The following DHRSX variants were observed in gnomAD, a reference collection of about 807,000 sequenced individuals.
DHRSX encodes dehydrogenase/reductase X-linked.
In DHRSX, 31 loss-of-function variants were observed where a neutral mutation model predicts 34.0. That is an observed-to-expected ratio of 0.91 (90% CI 0.69 to 1.23). The LOEUF (loss-of-function observed/expected upper bound fraction) is 1.23, where lower values mean the gene tolerates loss of function less well. Among genes scored for constraint, DHRSX ranks in the 50% most tolerant of loss-of-function variants. The probability of loss-of-function intolerance (pLI) is 0.00; values close to 1 mark genes in which losing one functional copy is unlikely to be tolerated. For synonymous variants in DHRSX, 201 were observed against 183.8 expected (o/e 1.09, Z -0.76); for missense variants, 414 against 428.1 (o/e 0.97, Z 0.29).
intron 3 of DHRSX, among the ~76,000 whole-genome samples, chrX:2,291,913 T>TTTTTTTTTTC: frequency 6.7e-6 from 1 of 149,130 alleles, no homozygotes; most frequent in African/African-American, 2.5e-5. Context: ...TTTTTTTTTT[T>TTTTTTTTTTC]TTTTTTAGTA....
intron 4 of DHRSX, among the ~76,000 whole-genome samples, chrX:2,284,709 G>A (rs182942012): frequency 2.4e-3 from 363 of 152,220 alleles, no homozygotes; most frequent in African/African-American, 4.9e-3. Flanking sequence ...ATTTTGAAGT[G>A]AATAAACCAT....
At chrX:2,340,092 G>C (rs932595855) in intron 3 of DHRSX, among the ~76,000 whole-genome samples, 20 of 149,766 alleles carry the variant, frequency 1.3e-4, no homozygotes, top group Admixed American at 3.4e-4. Flanking sequence ...CACAAGAACA[G>C]AAAACCAAAC....
intron 1 of DHRSX, among the ~76,000 whole-genome samples, chrX:2,443,013 T>A (rs963475302): frequency 1.2e-4 from 18 of 151,450 alleles, no homozygotes; most frequent in Admixed American, 1.3e-4. Flanking sequence ...GGAGGCGGAG[T>A]TTCTCAACCT....
At position 2,266,835 on chromosome X, in the gene DHRSX, T is replaced by C; in HGVS notation, c.501A>G (p.Lys167=). ...CACTGTGGCCAGGGGACCCAGACTC[T>C]TTCAGCGTATCCAAGAGAAGGTTGG... is the stretch of plus-strand genomic sequence containing the variant. ...LLTNLLLDTL[K]ESGSPGHSAR... The change falls in exon 5 of 7, where the codon AAA becomes AAG. Residue 167 remains lysine, a synonymous_variant. Transcript: ENST00000334651. The C allele has an allele frequency of 6.2e-7, 1 of 1,613,946 alleles. No individual in the cohort carries two copies. The highest frequency in any genetic ancestry group is 1.1e-5 in the South Asian group (1 of 91,078).
At chrX:2,404,795 T>C (rs749706942) in intron 3 of DHRSX, among the ~76,000 whole-genome samples, 1 of 152,350 alleles carries the variant, frequency 6.6e-6, no homozygotes, top group Admixed American at 6.5e-5. Flanking sequence ...ACTCGGTCCT[T>C]TAAATGTTAA....
At chrX:2,267,208 G>A (rs748245252) in intron 4 of DHRSX, among the ~76,000 whole-genome samples, 10 of 152,280 alleles carry the variant, frequency 6.6e-5, no homozygotes, top group South Asian at 2.1e-4. Context: ...CAGGCCGGGC[G>A]CGGTGGCTCA....
At chrX:2,284,903 T>C (rs2041786377) in intron 4 of DHRSX, among the ~76,000 whole-genome samples, 1 of 152,170 alleles carries the variant, frequency 6.6e-6, no homozygotes, top group Non-Finnish European at 1.5e-5. Flanking sequence ...TTGATTGCTC[T>C]AAGAATAAAA....
rs184756244 is a variant in DHRSX at position 2,265,715 on chromosome X, A to G, written c.596+1025T>C. On this transcript the variant is annotated intron_variant, in intron 5 of 6. Transcript: ENST00000334651. ...CAGGGAGCACTGTCCCCAGAGCACC[A>G]GTGTATAGCAGATGCAGGGAGCATT... Among the ~76,000 whole-genome samples the G allele has an allele frequency of 4.8e-4, 69 of 144,252 alleles. 1 individual carries two copies. The highest frequency in any genetic ancestry group is 2.4e-4 in the Non-Finnish European group (16 of 65,874). 94.6% of individuals were successfully genotyped at this position (144,252 alleles called of 152,430 possible).
At chrX:2,433,030 G>A (rs188821472) in intron 1 of DHRSX, among the ~76,000 whole-genome samples, 41 of 152,078 alleles carry the variant, frequency 2.7e-4, no homozygotes, top group Middle Eastern at 3.4e-3. Flanking sequence ...AGGCTGAGAT[G>A]GGAGGATCAC....
rs747078260 is a variant in DHRSX at position 2,298,601 on chromosome X, T to TACACACACAC, written c.287-7008_287-6999dup. Among the ~76,000 whole-genome samples, 47 of 131,818 alleles carry TACACACACAC rather than the reference T, an allele frequency of 3.6e-4. 2 individuals carry two copies. Among genetic ancestry groups the TACACACACAC allele is most frequent in the African/African-American group, 1.8e-3 (44 of 24,368 alleles). The allele number at this position is 131,818 out of a possible 152,430, so 86.5% of individuals were successfully genotyped here. ...AGCAGTTCTCCTGCAGGCGCGTGTG[T>TACACACACAC]ACACACACACACACACACACACACA... On this transcript the variant is annotated intron_variant, in intron 3 of 6. Coordinates refer to ENST00000334651, the MANE Select transcript of DHRSX (RefSeq NM_145177.3).
intron 3 of DHRSX, among the ~76,000 whole-genome samples, chrX:2,343,182 G>T (rs1301801152): frequency 1.3e-5 from 2 of 152,074 alleles, no homozygotes; most frequent in Non-Finnish European, 2.9e-5. Context: ...CAAACATTCT[G>T]AACCTATGAT....
rs747977932 is a variant in DHRSX at position 2,270,662 on chromosome X, G to A, written c.389-3715C>T. On this transcript the variant is annotated intron_variant, in intron 4 of 6. Coordinates refer to ENST00000334651, the MANE Select transcript of DHRSX (RefSeq NM_145177.3). Reference sequence around the variant, plus strand: ...ATTCTGGCTGTAGCCTCCACAGTGCGGTTGTAGTGCTTTGGGTACAGCAAG... The same window carrying A: ...ATTCTGGCTGTAGCCTCCACAGTGCAGTTGTAGTGCTTTGGGTACAGCAAG... Among the ~76,000 whole-genome samples the A allele has an allele frequency of 3.2e-3, 487 of 152,254 alleles. 8 individuals are homozygous for A. Among genetic ancestry groups the A allele is most frequent in the Admixed American group, 4.9e-3 (75 of 15,282 alleles).
At chrX:2,437,671 CAGAGAGAGAG>C (rs1208680585) in intron 1 of DHRSX, among the ~76,000 whole-genome samples, 1 of 142,974 alleles carries the variant, frequency 7.0e-6, no homozygotes, top group African/African-American at 2.6e-5. Context: ...CTAAGAGAGA[CAGAGAGAGAG>C]AGAGAGAGAG....
chrX:2,224,963 C>T (rs1168874712), intron 6 of DHRSX, among the ~76,000 whole-genome samples: 1 of 39,424 alleles, frequency 2.5e-5, no homozygotes, highest in Non-Finnish European at 4.1e-5. Context: ...CACACACATG[C>T]TCACATTCAC....
At chrX:2,483,528 C>G (rs1328754153) in intron 1 of DHRSX, among the ~76,000 whole-genome samples, 1 of 152,112 alleles carries the variant, frequency 6.6e-6, no homozygotes, top group Non-Finnish European at 1.5e-5. Flanking sequence ...CTCGGCCTCC[C>G]AAAGTGCTGG....
intron 5 of DHRSX, among the ~76,000 whole-genome samples, chrX:2,245,046 G>T (rs1286292785): frequency 6.6e-6 from 1 of 152,052 alleles, no homozygotes; most frequent in African/African-American, 2.4e-5. Context: ...TATGTATCCT[G>T]ATGGAAGCTG....
chrX:2,303,853 G>GGATGGA (rs1569485732), intron 3 of DHRSX, among the ~76,000 whole-genome samples: 2 of 31,572 alleles, frequency 6.3e-5, no homozygotes, highest in Admixed American at 8.4e-4. Flanking sequence ...GGATGGATGG[G>GGATGGA]TGGATGGGTG....
chrX:2,307,455 A>T (rs1359690880), intron 3 of DHRSX, among the ~76,000 whole-genome samples: 1 of 151,350 alleles, frequency 6.6e-6, no homozygotes, highest in Non-Finnish European at 1.5e-5. Flanking sequence ...ACCTCATGAA[A>T]TTTTTTTTAA....
chrX:2,302,149 A>G (rs1189536623), intron 3 of DHRSX, among the ~76,000 whole-genome samples: 1 of 152,058 alleles, frequency 6.6e-6, no homozygotes, highest in Non-Finnish European at 1.5e-5. Context: ...GGCAGCCAAA[A>G]GTGCTCCTGA....
Sources: allele counts gnomAD v4.1 joint callset (sites outside exome capture counted in the v4.1 genomes callset), GRCh38; gene constraint gnomAD v4.1.1; transcripts MANE v1.5; gene names NCBI Gene and HGNC (gene_info 2026-07-23, HGNC 2026-07-21).